Variants in PRKG1 observed in about 807,000 individuals in gnomAD.
The protein encoded by PRKG1 is cGMP-dependent protein kinase 1.
A neutral mutation model predicts 88.1 loss-of-function variants in PRKG1; 35 were observed. The observed-to-expected ratio is 0.40, with a 90% CI of 0.30 to 0.53. The LOEUF is 0.53. Among genes scored for constraint, PRKG1 ranks in the 20% least tolerant of loss-of-function variants. The probability of loss-of-function intolerance (pLI) is 0.59; values close to 1 mark genes in which losing one functional copy is unlikely to be tolerated. For missense variants in PRKG1, 540 were observed against 839.8 expected (o/e 0.64, Z 4.41); for synonymous variants, 303 against 292.5 (o/e 1.04, Z -0.37).
chr10:51,385,127 C>A (rs1415170653), intron 2 of PRKG1, among the ~76,000 whole-genome samples: 1 of 152,170 alleles, frequency 6.6e-6, no homozygotes, highest in Non-Finnish European at 1.5e-5. Context: ...GCTTAAAGTG[C>A]ATGCCTTAAG....
At chr10:51,192,472 T>C (rs892713557) in intron 2 of PRKG1, among the ~76,000 whole-genome samples, 1 of 151,942 alleles carries the variant, frequency 6.6e-6, no homozygotes, top group Non-Finnish European at 1.5e-5. Flanking sequence ...CAGAAAAAAA[T>C]GTAGTCTGGA....
At chr10:51,989,153 AAAC>A (rs1023327990) in intron 5 of PRKG1, among the ~76,000 whole-genome samples, 8 of 152,212 alleles carry the variant, frequency 5.3e-5, no homozygotes, top group South Asian at 4.1e-4. Context: ...AAGTGCAAGG[AAAC>A]AACAACAACA....
At chr10:51,266,264 C>A (rs530374593) in intron 2 of PRKG1, among the ~76,000 whole-genome samples, 3 of 151,900 alleles carry the variant, frequency 2.0e-5, no homozygotes, top group African/African-American at 7.3e-5. Context: ...ATCAAGGTGA[C>A]GTAAAAGAGT....
intron 3 of PRKG1, among the ~76,000 whole-genome samples, chr10:51,724,113 A>AG (rs1842075736): frequency 6.6e-6 from 1 of 152,112 alleles, no homozygotes; most frequent in Admixed American, 6.5e-5. Context: ...AAGATCATAG[A>AG]GGGGGTAAAA....
At chr10:51,111,573 A>G (rs557240096) in intron 1 of PRKG1, among the ~76,000 whole-genome samples, 1 of 152,218 alleles carries the variant, frequency 6.6e-6, no homozygotes, top group East Asian at 1.9e-4. Context: ...TACCTATTGG[A>G]CTTGTGAGTT....
intron 3 of PRKG1, among the ~76,000 whole-genome samples, chr10:51,602,357 A>G (rs1838628428): frequency 6.6e-6 from 1 of 152,146 alleles, no homozygotes. Context: ...GTTATTTACC[A>G]TAACCTTATG....
At chr10:51,942,579 G>A (rs896061293) in intron 5 of PRKG1, among the ~76,000 whole-genome samples, 9 of 148,216 alleles carry the variant, frequency 6.1e-5, no homozygotes, top group African/African-American at 2.0e-4. Context: ...GGTTTTTATG[G>A]TTTTAGGTCT....
rs540738797 is a variant in PRKG1, at chr10:52,110,118, G to A, written c.936-23722G>A. Among the ~76,000 whole-genome samples the A allele has an allele frequency of 6.9e-4, 105 of 152,062 alleles. 1 individual carries two copies. The highest frequency in any genetic ancestry group is 9.0e-4 in the Non-Finnish European group (61 of 68,016). ...AATCCTAGCACTTTGGGAGGCCGAGGCGGGCGGATCACGAGGTCAGGAGAT... is the reference window on the plus strand; with the variant it reads ...AATCCTAGCACTTTGGGAGGCCGAGACGGGCGGATCACGAGGTCAGGAGAT... On this transcript the variant is annotated intron_variant, in intron 7 of 17. Coordinates refer to ENST00000373980, the MANE Select transcript of PRKG1 (RefSeq NM_006258.4).
rs977580125 is a variant in PRKG1, at chr10:51,650,163, A to G, written c.593-154422A>G. 2.0e-5 allele frequency among the ~76,000 whole-genome samples: 3 copies of G among 152,238 alleles called. No homozygotes were observed. In the East Asian group the frequency reaches 5.8e-4, roughly 29 times the overall value. On this transcript the variant is annotated intron_variant, in intron 3 of 17. Transcript: ENST00000373980. Reference sequence around the variant, plus strand: ...ATAAAGCATAGCCCTGGTATTCACGAGGTGCTCAGGAGAGAACCTATCCAG... The same window carrying G: ...ATAAAGCATAGCCCTGGTATTCACGGGGTGCTCAGGAGAGAACCTATCCAG...
intron 1 of PRKG1, among the ~76,000 whole-genome samples, chr10:51,043,602 A>C (rs1843452736): frequency 6.6e-6 from 1 of 152,234 alleles, no homozygotes; most frequent in Admixed American, 6.5e-5. Flanking sequence ...CACAGGCCAT[A>C]GTACTTTTCT....
rs769521398 is a variant in PRKG1 at position 51,523,934 on chromosome 10, G to A, written c.592+56098G>A. Among the ~76,000 whole-genome samples the A allele has an allele frequency of 5.9e-5, 9 of 152,248 alleles. No homozygotes were observed. In the South Asian group the frequency reaches 6.2e-4, roughly 11 times the overall value. On this transcript the variant is annotated intron_variant, in intron 3 of 17. Coordinates refer to ENST00000373980, the MANE Select transcript of PRKG1 (RefSeq NM_006258.4). Reference sequence around the variant, plus strand: ...TTCGTAACCAAGTATAATCCCCAAAGCTGGAGATGGGGCCTGGCGGGTGAT... The same window carrying A: ...TTCGTAACCAAGTATAATCCCCAAAACTGGAGATGGGGCCTGGCGGGTGAT...
chr10:51,650,898 T>G (rs1840022851), intron 3 of PRKG1, among the ~76,000 whole-genome samples: 1 of 152,162 alleles, frequency 6.6e-6, no homozygotes, highest in Non-Finnish European at 1.5e-5. Flanking sequence ...CTGGTACCTG[T>G]GATCTCACCA....
chr10:52,098,268 T>G (rs1013927534), intron 7 of PRKG1, among the ~76,000 whole-genome samples: 11 of 152,212 alleles, frequency 7.2e-5, no homozygotes, highest in African/African-American at 2.7e-4. Flanking sequence ...TAAAGTCAGT[T>G]TCTACAGTTC....
At chr10:52,078,242 A>G (rs974969590) in intron 7 of PRKG1, among the ~76,000 whole-genome samples, 5 of 152,214 alleles carry the variant, frequency 3.3e-5, no homozygotes, top group Non-Finnish European at 5.9e-5. Context: ...GTATTACCAA[A>G]CACAAATAGT....
chr10:52,076,452 G>T (rs1846631422), intron 7 of PRKG1, among the ~76,000 whole-genome samples: 1 of 152,194 alleles, frequency 6.6e-6, no homozygotes, highest in African/African-American at 2.4e-5. Context: ...AGCTGCTCAG[G>T]AGGCTGAGGC....
intron 3 of PRKG1, among the ~76,000 whole-genome samples, chr10:51,714,169 C>T (rs966168028): frequency 2.4e-4 from 36 of 152,050 alleles, no homozygotes; most frequent in African/African-American, 8.2e-4. Flanking sequence ...TTAGTAGAGA[C>T]GGGGTTTCAC....
chr10:51,220,056 G>T (rs1410716331), intron 2 of PRKG1, among the ~76,000 whole-genome samples: 1 of 152,198 alleles, frequency 6.6e-6, no homozygotes, highest in Non-Finnish European at 1.5e-5. Flanking sequence ...GAAGAGGAGG[G>T]CAGAAGAGGA....
chr10:51,522,537 C>T (rs1841761199), intron 3 of PRKG1, among the ~76,000 whole-genome samples: 1 of 152,084 alleles, frequency 6.6e-6, no homozygotes, highest in Admixed American at 6.6e-5. Context: ...CCTTTGCTAC[C>T]ATCTTTAACA....
chr10:51,852,944 T>G (rs1378187373), intron 4 of PRKG1, among the ~76,000 whole-genome samples: 1 of 152,202 alleles, frequency 6.6e-6, no homozygotes, highest in East Asian at 1.9e-4. Flanking sequence ...TGGCATATTA[T>G]TTTTAAACTG....
Sources: gnomAD v4.1 joint callset for allele counts (sites outside exome capture counted in the v4.1 genomes callset) on GRCh38, gnomAD v4.1.1 for gene constraint, MANE v1.5 for transcripts, NCBI Gene and HGNC (gene_info 2026-07-23, HGNC 2026-07-21) for gene names.